ITFG1: variants seen among roughly 807,000 people sequenced by gnomAD.
ITFG1 encodes integrin alpha FG-GAP repeat containing 1, also known as T-cell immunomodulatory protein.
A neutral mutation model predicts 81.8 loss-of-function variants in ITFG1; 34 were observed. The ratio of observed to expected loss-of-function variants is 0.42; its 90% CI spans 0.32 to 0.55. ITFG1 has a LOEUF of 0.55. Among genes scored for constraint, ITFG1 ranks in the 20% least tolerant of loss-of-function variants. ITFG1 has a pLI of 0.17. For missense variants in ITFG1, 672 were observed against 755.4 expected (o/e 0.89, Z 1.29); for synonymous variants, 285 against 270.6 (o/e 1.05, Z -0.52).
chr16:47,422,362 T>C (rs867899240), intron 6 of ITFG1, among the ~76,000 whole-genome samples: 5 of 152,328 alleles, frequency 3.3e-5, no homozygotes, highest in African/African-American at 9.6e-5. Context: ...TTTTCAATGA[T>C]GGACATTCTA....
At chr16:47,429,712 C>T (rs1051645590) in intron 5 of ITFG1, among the ~76,000 whole-genome samples, 1 of 152,156 alleles carries the variant, frequency 6.6e-6, no homozygotes, top group East Asian at 1.9e-4. Flanking sequence ...ACTGGCCATC[C>T]GTATACATTC....
chr16:47,351,473 A>G (rs1967953736), intron 8 of ITFG1, among the ~76,000 whole-genome samples: 2 of 152,216 alleles, frequency 1.3e-5, no homozygotes, highest in African/African-American at 4.8e-5. Flanking sequence ...GGCTTCAAAG[A>G]GAATAAAATA....
chr16:47,263,877 G>GT (rs1966242447), intron 10 of ITFG1, among the ~76,000 whole-genome samples: 1 of 152,122 alleles, frequency 6.6e-6, no homozygotes, highest in Non-Finnish European at 1.5e-5. Flanking sequence ...CATGAGGTTC[G>GT]TAACAGTTCA....
intron 6 of ITFG1, among the ~76,000 whole-genome samples, chr16:47,413,786 G>A (rs144787718): frequency 1.3e-4 from 20 of 152,146 alleles, no homozygotes; most frequent in East Asian, 1.2e-3. Flanking sequence ...AAATAAAACC[G>A]TAAGGTGCAG....
At chr16:47,196,328 G>T (rs1197368613) in intron 14 of ITFG1, 1 of 151,052 alleles carries the variant, frequency 6.6e-6, no homozygotes, top group Non-Finnish European at 1.5e-5. Context: ...CTTTTGCTCT[G>T]TTCTCTCTTC....
At chr16:47,409,260 G>C (rs972490486) in intron 6 of ITFG1, among the ~76,000 whole-genome samples, 9 of 148,244 alleles carry the variant, frequency 6.1e-5, no homozygotes, top group Non-Finnish European at 1.3e-4. Flanking sequence ...GGAATCCTCA[G>C]GGTCATCAAA....
chr16:47,267,510 A>T (rs2151544782), intron 10 of ITFG1, among the ~76,000 whole-genome samples: 1 of 152,332 alleles, frequency 6.6e-6, no homozygotes, highest in Admixed American at 6.5e-5. Context: ...AAACTAAAAG[A>T]CATAAAATCA....
At chr16:47,162,842 TG>T in intron 14 of ITFG1, 178 bp from the exon 15 acceptor site, 1 of 502,182 alleles carries the variant, frequency 2.0e-6, no homozygotes. Flanking sequence ...TTTTGAGACA[TG>T]GTCTCACTCT....
chr16:47,355,306 A>G (rs962355406), intron 8 of ITFG1, among the ~76,000 whole-genome samples: 10 of 152,152 alleles, frequency 6.6e-5, no homozygotes, highest in African/African-American at 1.9e-4. Flanking sequence ...AATAAATACC[A>G]TATGAATTCA....
chr16:47,217,203 AT>A (rs1364923882), intron 14 of ITFG1, among the ~76,000 whole-genome samples: 2 of 152,152 alleles, frequency 1.3e-5, no homozygotes, highest in African/African-American at 2.4e-5. Context: ...CAATTAAGAG[AT>A]TTTCCCATTT....
chr16:47,218,945 G>A lies in ITFG1; in HGVS notation c.1376C>T (p.Pro459Leu), dbSNP rs1478846883. 3 of 1,573,238 alleles carry A rather than the reference G, an allele frequency of 1.9e-6. No individual in the cohort carries two copies. Among genetic ancestry groups the A allele is most frequent in the Non-Finnish European group, 8.6e-7 (1 of 1,160,348 alleles). Residue 459 changes from proline (P) to leucine (L), a missense_variant and splice_region_variant, in exon 14 of 18, where the codon CCC (proline) becomes CTC (leucine). By Grantham distance (98) the Pro-to-Leu change is moderately conservative. Coordinates refer to ENST00000320640, the MANE Select transcript of ITFG1 (RefSeq NM_030790.5). ...CSNDCPRKITPFGVNQPGPYI... is the reference protein window; with the variant it reads ...CSNDCPRKITLFGVNQPGPYI... Reference sequence around the variant, plus strand: ...AGGTCCAGGTTGATTCACTCCAAAGGGCTGCAATAGAAAAAAAAAATAGTT... The same window carrying A: ...AGGTCCAGGTTGATTCACTCCAAAGAGCTGCAATAGAAAAAAAAAATAGTT...
intron 7 of ITFG1, among the ~76,000 whole-genome samples, chr16:47,373,708 C>T (rs1968288337): frequency 6.6e-6 from 1 of 152,176 alleles, no homozygotes; most frequent in Non-Finnish European, 1.5e-5. Context: ...CACTCACATC[C>T]CAGCTCCTAG....
chr16:47,388,587 A>G (rs1596950876), intron 6 of ITFG1, among the ~76,000 whole-genome samples: 1 of 152,312 alleles, frequency 6.6e-6, no homozygotes, highest in South Asian at 2.1e-4. Flanking sequence ...CCTGTCAACC[A>G]AAAGTCCTAC....
At chr16:47,349,083 C>T (rs1967907198) in intron 8 of ITFG1, among the ~76,000 whole-genome samples, 1 of 152,132 alleles carries the variant, frequency 6.6e-6, no homozygotes, top group Non-Finnish European at 1.5e-5. Flanking sequence ...AAAGGAACAA[C>T]CGGTACCAGC....
chr16:47,303,885 C>T (rs1487195367), intron 10 of ITFG1, among the ~76,000 whole-genome samples: 1 of 152,158 alleles, frequency 6.6e-6, no homozygotes, highest in Non-Finnish European at 1.5e-5. Context: ...TCACCTTGGC[C>T]TCTGAAAGTG....
chr16:47,347,765 C>A (rs1324064654), intron 8 of ITFG1, among the ~76,000 whole-genome samples: 1 of 152,208 alleles, frequency 6.6e-6, no homozygotes, highest in Non-Finnish European at 1.5e-5. Context: ...GTCTCTGACC[C>A]CCAAGTAGCC....
chr16:47,235,557 G>A (rs111640463), intron 13 of ITFG1, among the ~76,000 whole-genome samples: 1 of 152,072 alleles, frequency 6.6e-6, no homozygotes, highest in Non-Finnish European at 1.5e-5. Flanking sequence ...GGAGATGAAG[G>A]AATATGGGTG....
intron 6 of ITFG1, among the ~76,000 whole-genome samples, chr16:47,398,645 C>A (rs568683547): frequency 2.6e-5 from 4 of 152,280 alleles, no homozygotes; most frequent in Admixed American, 2.6e-4. Context: ...AGACACCAAA[C>A]AAGGTCAGCA....
intron 10 of ITFG1, among the ~76,000 whole-genome samples, chr16:47,296,245 CT>C (rs1037107232): frequency 4.5e-4 from 65 of 145,832 alleles, no homozygotes; most frequent in Admixed American, 4.8e-4. Flanking sequence ...CCCTTTTTTT[CT>C]TTTTTTTTTA....
Sources: allele counts gnomAD v4.1 joint callset (sites outside exome capture counted in the v4.1 genomes callset), GRCh38; gene constraint gnomAD v4.1.1; transcripts MANE v1.5; gene names NCBI Gene and HGNC (gene_info 2026-07-23, HGNC 2026-07-21).